The following TENM3 variants were observed in gnomAD, a reference collection of about 807,000 sequenced individuals.
TENM3 encodes the protein teneurin-3.
A neutral mutation model predicts 255.1 loss-of-function variants in TENM3; 63 were observed. The observed-to-expected ratio is 0.25, with a 90% CI of 0.20 to 0.30. The LOEUF is 0.30. Ranked by LOEUF, TENM3 falls within the 10% of genes least tolerant of loss-of-function variation. The pLI is 1.00. For missense variants in TENM3, 2,929 were observed against 3,461.1 expected (o/e 0.85, Z 3.86); for synonymous variants, 1,306 against 1,322.3 (o/e 0.99, Z 0.27).
intron 3 of TENM3, among the ~76,000 whole-genome samples, chr4:182,423,692 C>T (rs1580489102): frequency 6.6e-6 from 1 of 152,204 alleles, no homozygotes; most frequent in African/African-American, 2.4e-5. Context: ...CAAGAAACAC[C>T]TGTTTATTAT....
intron 12 of TENM3, among the ~76,000 whole-genome samples, chr4:182,708,494 A>G (rs17328090): frequency 6.6e-5 from 10 of 152,170 alleles, no homozygotes; most frequent in African/African-American, 2.4e-4. Flanking sequence ...AACTTTCACC[A>G]GTTTACTCAA....
At chr4:181,450,813 C>T in the TENM3 span, among the ~76,000 whole-genome samples, 1 of 152,194 alleles carries the variant, frequency 6.6e-6, no homozygotes, top group Non-Finnish European at 1.5e-5. Context: ...GAAAATCTCA[C>T]TTTGAATATG....
At chr4:181,726,337 G>A in the TENM3 span, among the ~76,000 whole-genome samples, 2 of 152,092 alleles carry the variant, frequency 1.3e-5, no homozygotes, top group African/African-American at 4.8e-5. Context: ...TGTGTAATGA[G>A]TGTCTGCTGT....
rs564988233 is a variant in TENM3, at chr4:182,604,369, C to G, written c.749+3208C>G. 2.0e-5 allele frequency among the ~76,000 whole-genome samples: 3 copies of G among 152,306 alleles called. No homozygotes were observed. The East Asian group carries it at 5.8e-4, about 29-fold the overall frequency. ...CGGTCCCTATGTATAATACCAAGTG[C>G]TTGCTTACAATTTTCCTGAAAATTC... On this transcript the variant is annotated intron_variant, in intron 4 of 27. Transcript: ENST00000511685.
At chr4:182,698,423 C>T (rs980045153) in intron 12 of TENM3, among the ~76,000 whole-genome samples, 5 of 152,138 alleles carry the variant, frequency 3.3e-5, no homozygotes, top group African/African-American at 1.2e-4. Flanking sequence ...CATACGATGA[C>T]GTCTCCAAAA....
the TENM3 span, among the ~76,000 whole-genome samples, chr4:182,114,718 T>C: frequency 0.068 from 10,405 of 152,250 alleles, 1,166 homozygotes; most frequent in African/African-American, 0.23. Context: ...AAAATCCCCA[T>C]TTTAGAGATA....
intron 2 of TENM3, among the ~76,000 whole-genome samples, chr4:182,344,455 ATGTGT>A (rs1764673281): frequency 6.6e-6 from 1 of 151,992 alleles, no homozygotes; most frequent in Non-Finnish European, 1.5e-5. Context: ...CATAGGGATG[ATGTGT>A]TGTGTTTTTA....
the TENM3 span, among the ~76,000 whole-genome samples, chr4:181,630,112 A>G: frequency 6.6e-6 from 1 of 152,148 alleles, no homozygotes; most frequent in Admixed American, 6.5e-5. Flanking sequence ...TGGATTTTCT[A>G]GTTCATTTGC....
At chr4:181,813,568 A>G in the TENM3 span, among the ~76,000 whole-genome samples, 7 of 152,216 alleles carry the variant, frequency 4.6e-5, no homozygotes, top group Non-Finnish European at 7.3e-5. Context: ...ACATGAAGAA[A>G]AAGTTAAGAG....
intron 3 of TENM3, among the ~76,000 whole-genome samples, chr4:182,382,985 T>A (rs541587252): frequency 1.3e-5 from 2 of 152,088 alleles, no homozygotes; most frequent in Non-Finnish European, 2.9e-5. Flanking sequence ...TAAGGAAAAA[T>A]TCATTCTGGC....
chr4:181,993,802 A>G, the TENM3 span, among the ~76,000 whole-genome samples: 2 of 152,082 alleles, frequency 1.3e-5, no homozygotes, highest in Admixed American at 1.3e-4. Flanking sequence ...AAAAATAATT[A>G]TATATATATG....
the TENM3 span, among the ~76,000 whole-genome samples, chr4:181,649,443 G>A: frequency 1.3e-4 from 20 of 152,146 alleles, no homozygotes; most frequent in African/African-American, 2.9e-4. Context: ...TTTCTGTATC[G>A]GCCTAGACTG....
At chr4:181,824,712 T>A in the TENM3 span, among the ~76,000 whole-genome samples, 3 of 152,104 alleles carry the variant, frequency 2.0e-5, no homozygotes, top group Admixed American at 1.3e-4. Flanking sequence ...AAAATGATCT[T>A]CTAATTCACC....
intron 1 of TENM3, among the ~76,000 whole-genome samples, chr4:182,310,159 T>C (rs935773643): frequency 2.6e-5 from 4 of 152,034 alleles, no homozygotes; most frequent in Admixed American, 2.6e-4. Flanking sequence ...GTTTTTTCAG[T>C]TGAAATATCC....
intron 3 of TENM3, among the ~76,000 whole-genome samples, chr4:182,585,795 T>C (rs1745962337): frequency 6.6e-6 from 1 of 152,212 alleles, no homozygotes; most frequent in Admixed American, 6.5e-5. Flanking sequence ...CACCAAACTA[T>C]GTGTAGACTC....
chr4:181,814,582 A>G, the TENM3 span, among the ~76,000 whole-genome samples: 3 of 127,120 alleles, frequency 2.4e-5, no homozygotes, highest in Non-Finnish European at 4.9e-5. Context: ...ATATATTTTT[A>G]AATGCGTGTG....
In TENM3 at chr4:182,681,944, C is replaced by T. The variant is rs539782102; in HGVS notation, c.1965C>T (p.His655=). The change falls in exon 11 of 28, where the codon CAC becomes CAT. Residue 655 remains histidine (H), a synonymous_variant. Coordinates refer to ENST00000511685, the MANE Select transcript of TENM3 (RefSeq NM_001080477.4). The stretch of plus-strand genomic sequence containing the variant: ...TGTGTCCAGACCAGTGCTCCGGCCA[C>T]GGAACGTATCTTCAAGAAAGTGGCT... ...KTMCPDQCSG[H]GTYLQESGSC... 76 of 1,613,972 alleles carry T rather than the reference C, an allele frequency of 4.7e-5. 1 individual carries two copies. The highest frequency in any genetic ancestry group is 1.2e-4 in the South Asian group (11 of 91,074).
the TENM3 span, among the ~76,000 whole-genome samples, chr4:181,639,770 C>T: frequency 3.9e-5 from 6 of 152,194 alleles, no homozygotes; most frequent in South Asian, 6.2e-4. Context: ...CCACCACCCT[C>T]GGAGTGGTGC....
the TENM3 span, among the ~76,000 whole-genome samples, chr4:181,500,282 G>C: frequency 6.6e-6 from 1 of 151,214 alleles, no homozygotes; most frequent in Non-Finnish European, 1.5e-5. Context: ...GCCTGCCCCT[G>C]CCTCCCAAAG....
Sources: allele counts gnomAD v4.1 joint callset (sites outside exome capture counted in the v4.1 genomes callset), GRCh38; gene constraint gnomAD v4.1.1; transcripts MANE v1.5; gene names NCBI Gene and HGNC (gene_info 2026-07-23, HGNC 2026-07-21).